RNF4: variants seen among roughly 807,000 people sequenced by gnomAD.
RNF4 encodes the protein E3 ubiquitin-protein ligase RNF4.
RNF4 carries 7 observed loss-of-function variants against 24.3 expected under a neutral mutation model. The observed-to-expected ratio is 0.29, with a 90% CI of 0.16 to 0.54. RNF4 has a LOEUF of 0.54. Ranked by LOEUF, RNF4 falls within the 20% of genes least tolerant of loss-of-function variation. The pLI is 0.95. For synonymous variants in RNF4, 83 were observed against 84.3 expected, an observed-to-expected ratio of 0.98 and a Z score of 0.09; for missense variants, 209 against 248.5, an observed-to-expected ratio of 0.84 and a Z score of 1.07.
At chr4:2,483,967 C>T (rs1267332758) in intron 1 of RNF4, among the ~76,000 whole-genome samples, 1 of 150,400 alleles carries the variant, frequency 6.6e-6, no homozygotes, top group African/African-American at 2.4e-5. Flanking sequence ...GCTGGGATTA[C>T]AGGCGCCCAC....
At chr4:2,500,829 T>G (rs1488487583) in intron 4 of RNF4, 91 bp downstream of exon 4, 25 of 1,204,096 alleles carry the variant, frequency 2.1e-5, no homozygotes, top group Non-Finnish European at 2.9e-5. Flanking sequence ...AGACTCCAAG[T>G]CAAGGTTACA....
chr4:2,508,962 G>A (rs1329303028), intron 4 of RNF4, among the ~76,000 whole-genome samples: 5 of 118,464 alleles, frequency 4.2e-5, no homozygotes, highest in Non-Finnish European at 8.2e-5. Flanking sequence ...CACTATTGTC[G>A]CCTAGGCTGG....
At position 2,515,705 on chromosome 4, in the gene RNF4, A is replaced by C; in HGVS notation, c.*1886A>C. On this transcript the variant is annotated 3_prime_UTR_variant, in exon 8 of 8. Coordinates refer to ENST00000314289, the MANE Select transcript of RNF4 (RefSeq NM_002938.5). ...ACTATTCAGAAACTGCGAACTAGGG[A>C]AAGGTTGGTATGAAGAAATGTCTTT... 1 of 152,618 alleles carries C rather than the reference A, an allele frequency of 6.6e-6. No individual in the cohort carries two copies. Among genetic ancestry groups the C allele is most frequent in the African/African-American group, 2.4e-5 (1 of 41,440 alleles). 9.5% of individuals were successfully genotyped at this position (152,618 alleles called of 1,614,324 possible).
chr4:2,498,658 T>A (rs1469195293), intron 3 of RNF4, among the ~76,000 whole-genome samples: 1 of 152,210 alleles, frequency 6.6e-6, no homozygotes, highest in East Asian at 1.9e-4. Context: ...GTTTTTATTC[T>A]TGTGAAACTT....
At chr4:2,496,448 G>A (rs531958713) in intron 2 of RNF4, among the ~76,000 whole-genome samples, 10 of 152,240 alleles carry the variant, frequency 6.6e-5, no homozygotes, top group Admixed American at 5.2e-4. Flanking sequence ...GGGATGCATC[G>A]TGTCCCTTTT....
chr4:2,503,109 C>T (rs1578520204), intron 4 of RNF4, among the ~76,000 whole-genome samples: 1 of 152,106 alleles, frequency 6.6e-6, no homozygotes. Context: ...CTCCTGGGCT[C>T]AAGCAGTCAC....
intron 1 of RNF4, among the ~76,000 whole-genome samples, chr4:2,473,390 A>G (rs2108747478): frequency 6.6e-6 from 1 of 152,272 alleles, no homozygotes; most frequent in Non-Finnish European, 1.5e-5. Flanking sequence ...TTAAAAAAAA[A>G]AATCAATTAA....
At chr4:2,483,015 T>G (rs935045041) in intron 1 of RNF4, among the ~76,000 whole-genome samples, 5 of 152,184 alleles carry the variant, frequency 3.3e-5, no homozygotes, top group Non-Finnish European at 5.9e-5. Flanking sequence ...TGAAGGTTTG[T>G]TTTGCCTTTA....
chr4:2,501,702 A>G (rs2108770988), intron 4 of RNF4, among the ~76,000 whole-genome samples: 1 of 152,236 alleles, frequency 6.6e-6, no homozygotes, highest in South Asian at 2.1e-4. Context: ...CAGCATTGGC[A>G]GTGGGGTGGT....
At chr4:2,508,754 A>G (rs1203850) in intron 4 of RNF4, among the ~76,000 whole-genome samples, 88,459 of 150,936 alleles carry the variant, frequency 0.59, 26,489 homozygotes, top group East Asian at 0.76. Context: ...GGGATTACAG[A>G]CATGAGCCAC....
intron 3 of RNF4, among the ~76,000 whole-genome samples, chr4:2,497,807 T>C (rs911313081): frequency 2.0e-5 from 3 of 151,988 alleles, no homozygotes. Context: ...GCTAATTTTT[T>C]GTATTTTTAA....
intron 1 of RNF4, among the ~76,000 whole-genome samples, chr4:2,476,592 C>G (rs1295114730): frequency 6.6e-6 from 1 of 152,092 alleles, no homozygotes; most frequent in African/African-American, 2.4e-5. Context: ...TGGGGTTTCA[C>G]CATGTTGGCC....
chr4:2,495,830 C>T (rs1735720338), intron 2 of RNF4, among the ~76,000 whole-genome samples: 1 of 152,168 alleles, frequency 6.6e-6, no homozygotes, highest in South Asian at 2.1e-4. Context: ...CGGGTTTCAC[C>T]GTGTTGCCCA....
rs535186803 is a variant in RNF4, at chr4:2,500,107, A to G, written c.125-552A>G. Among the ~76,000 whole-genome samples the G allele has an allele frequency of 9.2e-5, 14 of 151,540 alleles. No homozygotes were observed. In the South Asian group the frequency reaches 2.7e-3, roughly 29 times the overall value. On this transcript the variant is annotated intron_variant, in intron 3 of 7. Coordinates refer to ENST00000314289, the MANE Select transcript of RNF4 (RefSeq NM_002938.5). ...AGGAGGCGGAGGTTGCAGTGAGCCA[A>G]GATCGCACCACTGCACTCCAGCCTT... is the stretch of plus-strand genomic sequence containing the variant.
chr4:2,478,639 T>C (rs1735155901), intron 1 of RNF4, among the ~76,000 whole-genome samples: 1 of 152,220 alleles, frequency 6.6e-6, no homozygotes, highest in African/African-American at 2.4e-5. Flanking sequence ...TTCCACATGG[T>C]GTTGAGCCTG....
At chr4:2,495,874 G>A (rs1328229733) in intron 2 of RNF4, among the ~76,000 whole-genome samples, 4 of 152,202 alleles carry the variant, frequency 2.6e-5, no homozygotes, top group East Asian at 3.9e-4. Context: ...CTGGTGATCC[G>A]CCTGCCTCTG....
At position 2,512,353 on chromosome 4, in the gene RNF4, G is replaced by C. The variant is rs748639134; in HGVS notation, c.215-85G>C. ...GGGGGTCCCAGGCAGGGAAGGAAGA[G>C]GGTCTTAAGAGGCGTCAGGATGGGA... On this transcript the variant is annotated intron_variant, in intron 5 of 7. Transcript: ENST00000314289. The surrounding 1 kb of genome is among the most constrained non-coding windows in gnomAD (Gnocchi z 4.1). 11 of 1,468,982 alleles carry C rather than the reference G, an allele frequency of 7.5e-6. No homozygotes were observed. The highest frequency in any genetic ancestry group is 9.3e-6 in the Non-Finnish European group (10 of 1,073,698). The allele number at this position is 1,468,982 out of a possible 1,614,324, so 91.0% of individuals were successfully genotyped here.
intron 1 of RNF4, among the ~76,000 whole-genome samples, chr4:2,473,955 A>G (rs1285351860): frequency 6.6e-6 from 1 of 152,148 alleles, no homozygotes; most frequent in African/African-American, 2.4e-5. Flanking sequence ...TTGTTACTGC[A>G]TAGTAATCCC....
rs569699710 is a variant in RNF4 at position 2,493,448 on chromosome 4, C to T, written c.9+2946C>T. ...TGGGGCCCAGAAACCACACAGGTAG[C>T]TGTGGGACATGGAGGTCTGCTTAGC... On this transcript the variant is annotated intron_variant, in intron 2 of 7. Coordinates refer to ENST00000314289, the MANE Select transcript of RNF4 (RefSeq NM_002938.5). Among the ~76,000 whole-genome samples the T allele has an allele frequency of 2.0e-5, 3 of 152,048 alleles. No individual in the cohort carries two copies. The South Asian group carries it at 6.2e-4, about 32-fold the overall frequency.
Sources: allele counts gnomAD v4.1 joint callset (sites outside exome capture counted in the v4.1 genomes callset), GRCh38; gene constraint gnomAD v4.1.1; non-coding constraint Gnocchi (gnomAD v3.1); transcripts MANE v1.5; gene names NCBI Gene and HGNC (gene_info 2026-07-23, HGNC 2026-07-21).